Variants in SMYD3 observed in about 807,000 individuals in gnomAD.
SMYD3 encodes the protein SET and MYND domain containing 3, also known as histone-lysine N-methyltransferase SMYD3.
In SMYD3, 36 loss-of-function variants were observed where a neutral mutation model predicts 57.7. The ratio of observed to expected loss-of-function variants is 0.62; its 90% CI spans 0.48 to 0.82. The LOEUF (loss-of-function observed/expected upper bound fraction) is 0.82, where lower values mean the gene tolerates loss of function less well. SMYD3 is among the 40% of genes least tolerant of loss of function. SMYD3 has a pLI of 0.00. For missense variants in SMYD3, 515 were observed against 538.8 expected, an observed-to-expected ratio of 0.96 and a Z score of 0.44; for synonymous variants, 211 against 195.0, an observed-to-expected ratio of 1.08 and a Z score of -0.68.
intron 5 of SMYD3, among the ~76,000 whole-genome samples, chr1:246,115,823 C>A (rs746571239): frequency 2.0e-5 from 3 of 152,190 alleles, no homozygotes; most frequent in Non-Finnish European, 4.4e-5. Flanking sequence ...AGATGAGCCA[C>A]TGAGTACTTT....
At chr1:245,757,344 C>A (rs556878491) in intron 11 of SMYD3, among the ~76,000 whole-genome samples, 11 of 151,956 alleles carry the variant, frequency 7.2e-5, no homozygotes, top group African/African-American at 2.7e-4. Flanking sequence ...GAATAATATT[C>A]CCTTGTATGT....
chr1:246,225,208 A>G (rs2148432353), intron 5 of SMYD3, among the ~76,000 whole-genome samples: 1 of 151,920 alleles, frequency 6.6e-6, no homozygotes, highest in Admixed American at 6.6e-5. Context: ...CAGAGCATCA[A>G]CAGCCGTCAA....
At chr1:246,260,061 G>A (rs2063975547) in intron 5 of SMYD3, among the ~76,000 whole-genome samples, 1 of 152,206 alleles carries the variant, frequency 6.6e-6, no homozygotes, top group African/African-American at 2.4e-5. Context: ...TGAATACCTG[G>A]AGATCTGTCT....
chr1:246,101,647 T>C (rs2061018053), intron 5 of SMYD3, among the ~76,000 whole-genome samples: 1 of 152,258 alleles, frequency 6.6e-6, no homozygotes, highest in African/African-American at 2.4e-5. Context: ...GTAAATTATG[T>C]TCATATGCGG....
At chr1:246,493,305 A>AAAAT (rs2068300214) in intron 1 of SMYD3, among the ~76,000 whole-genome samples, 1 of 152,108 alleles carries the variant, frequency 6.6e-6, no homozygotes, top group African/African-American at 2.4e-5. Flanking sequence ...TCTCTCTGAA[A>AAAAT]AAATAAATAA....
chr1:246,395,588 G>GGTCA (rs1553341719), intron 1 of SMYD3, among the ~76,000 whole-genome samples: 8 of 127,488 alleles, frequency 6.3e-5, no homozygotes, highest in Non-Finnish European at 1.2e-4. Context: ...GGACCCCCAC[G>GGTCA]GTCAGACAGG....
chr1:245,804,918 G>A (rs1422801804), intron 10 of SMYD3, among the ~76,000 whole-genome samples: 1 of 152,136 alleles, frequency 6.6e-6, no homozygotes, highest in Non-Finnish European at 1.5e-5. Flanking sequence ...TTTTGTTGTG[G>A]CAGCACAAAG....
intron 5 of SMYD3, among the ~76,000 whole-genome samples, chr1:246,135,887 T>A (rs2061658721): frequency 6.6e-6 from 1 of 152,218 alleles, no homozygotes; most frequent in Non-Finnish European, 1.5e-5. Flanking sequence ...TTTTCTGTCC[T>A]GTTTTTTAAA....
chr1:245,935,669 A>G (rs2056952737), intron 5 of SMYD3, among the ~76,000 whole-genome samples: 1 of 152,246 alleles, frequency 6.6e-6, no homozygotes, highest in African/African-American at 2.4e-5. Context: ...AAGAAAATGT[A>G]GTATAGATAC....
At chr1:246,205,314 A>G (rs1335327429) in intron 5 of SMYD3, among the ~76,000 whole-genome samples, 1 of 152,202 alleles carries the variant, frequency 6.6e-6, no homozygotes, top group African/African-American at 2.4e-5. Context: ...CAGTGTTCCA[A>G]TGAAGTGCTC....
chr1:245,769,073 T>G (rs1316071472), intron 10 of SMYD3, among the ~76,000 whole-genome samples: 2 of 152,218 alleles, frequency 1.3e-5, no homozygotes, highest in Non-Finnish European at 2.9e-5. Context: ...TCCAGTTGTA[T>G]GAATTTTAGC....
At chr1:246,174,761 A>G (rs1010418747) in intron 5 of SMYD3, among the ~76,000 whole-genome samples, 5 of 152,216 alleles carry the variant, frequency 3.3e-5, no homozygotes, top group African/African-American at 4.8e-5. Flanking sequence ...GTTTCTTAAC[A>G]GTGGATCTAT....
intron 5 of SMYD3, among the ~76,000 whole-genome samples, chr1:246,253,724 A>G (rs115790689): frequency 0.014 from 2,116 of 152,294 alleles, 46 homozygotes; most frequent in African/African-American, 0.048. Context: ...ATCTACTGCA[A>G]ATGAGACTGG....
chr1:246,124,447 G>GA, intron 5 of SMYD3, among the ~76,000 whole-genome samples: 1 of 152,284 alleles, frequency 6.6e-6, no homozygotes, highest in East Asian at 1.9e-4. Context: ...CTAAGTCTTT[G>GA]AAGGTAATTA....
intron 1 of SMYD3, among the ~76,000 whole-genome samples, chr1:246,452,321 C>A (rs2103030122): frequency 6.6e-6 from 1 of 152,220 alleles, no homozygotes; most frequent in South Asian, 2.1e-4. Flanking sequence ...GCTTGGCCAA[C>A]ATGGCAGAAC....
chr1:245,850,836 A>ACTAG (rs2050933958), intron 10 of SMYD3, among the ~76,000 whole-genome samples: 1 of 152,214 alleles, frequency 6.6e-6, no homozygotes, highest in African/African-American at 2.4e-5. Flanking sequence ...CTGGTGGCCA[A>ACTAG]CTAGCACCCA....
At chr1:246,098,403 A>G (rs1169447020) in intron 5 of SMYD3, among the ~76,000 whole-genome samples, 1 of 152,218 alleles carries the variant, frequency 6.6e-6, no homozygotes, top group East Asian at 1.9e-4. Flanking sequence ...AGAGGCCAAA[A>G]GGCACCATTC....
At chr1:245,875,501 T>A (rs921158168) in intron 8 of SMYD3, among the ~76,000 whole-genome samples, 1 of 152,236 alleles carries the variant, frequency 6.6e-6, no homozygotes, top group African/African-American at 2.4e-5. Flanking sequence ...GAACCTGGCA[T>A]GTGGGCAACA....
chr1:246,289,814 G>A (rs1166232114), intron 5 of SMYD3, among the ~76,000 whole-genome samples: 5 of 152,086 alleles, frequency 3.3e-5, no homozygotes, highest in Non-Finnish European at 5.9e-5. Flanking sequence ...GGGCAACCCC[G>A]GGTAAGTGGA....
Sources: allele counts gnomAD v4.1 joint callset (sites outside exome capture counted in the v4.1 genomes callset), GRCh38; gene constraint gnomAD v4.1.1; transcripts MANE v1.5; gene names NCBI Gene and HGNC (gene_info 2026-07-23, HGNC 2026-07-21).